FOXO3: variants seen among roughly 807,000 people sequenced by gnomAD.
The protein encoded by FOXO3 is forkhead box O3.
Under a neutral mutation model 41.9 loss-of-function variants are expected in FOXO3, and 4 were observed. The observed-to-expected ratio is 0.10, with a 90% confidence interval of 0.05 to 0.22. FOXO3 has a LOEUF of 0.22. Among genes scored for constraint, FOXO3 ranks in the 10% least tolerant of loss-of-function variants. The pLI is 1.00. For synonymous variants in FOXO3, 318 were observed against 389.3 expected, an observed-to-expected ratio of 0.82 and a Z score of 2.16; for missense variants, 534 against 906.8, an observed-to-expected ratio of 0.59 and a Z score of 5.28.
At chr6:108,562,305 C>T (rs530100162) in intron 1 of FOXO3, among the ~76,000 whole-genome samples, 2 of 152,234 alleles carry the variant, frequency 1.3e-5, no homozygotes, top group South Asian at 2.1e-4. Context: ...TGCGTCGTCA[C>T]TAGCTGAATG....
intron 1 of FOXO3, among the ~76,000 whole-genome samples, chr6:108,653,279 T>C (rs1778595296): frequency 6.6e-6 from 1 of 152,216 alleles, no homozygotes; most frequent in Non-Finnish European, 1.5e-5. Flanking sequence ...GTTAAACAGA[T>C]ACAATTTTTT....
At chr6:108,601,366 C>T (rs1472168507) in intron 1 of FOXO3, among the ~76,000 whole-genome samples, 1 of 152,154 alleles carries the variant, frequency 6.6e-6, no homozygotes, top group Non-Finnish European at 1.5e-5. Flanking sequence ...TGCAATGGCA[C>T]AATCTCGGCT....
intron 1 of FOXO3, among the ~76,000 whole-genome samples, chr6:108,637,389 A>G (rs1778147178): frequency 6.6e-6 from 1 of 152,156 alleles, no homozygotes. Context: ...AGTCCTGCTT[A>G]ACCTTATTAC....
At chr6:108,652,604 C>T (rs1029145137) in intron 1 of FOXO3, among the ~76,000 whole-genome samples, 3 of 152,180 alleles carry the variant, frequency 2.0e-5, no homozygotes, top group African/African-American at 7.2e-5. Context: ...GCACCACCAC[C>T]CACTAGACAA....
chr6:108,655,727 C>G (rs1334007709), intron 1 of FOXO3, among the ~76,000 whole-genome samples: 1 of 152,172 alleles, frequency 6.6e-6, no homozygotes, highest in Non-Finnish European at 1.5e-5. Context: ...AAGGCGCCCA[C>G]CCGGGCCTGC....
intron 1 of FOXO3, among the ~76,000 whole-genome samples, chr6:108,640,563 G>C (rs1366531023): frequency 6.6e-6 from 1 of 152,176 alleles, no homozygotes; most frequent in Non-Finnish European, 1.5e-5. Flanking sequence ...GATGTTTAAA[G>C]TGTTTTTTTA....
intron 1 of FOXO3, among the ~76,000 whole-genome samples, chr6:108,613,559 T>A (rs1254751282): frequency 2.0e-5 from 3 of 152,220 alleles, no homozygotes; most frequent in Non-Finnish European, 2.9e-5. Flanking sequence ...TTAATAGATA[T>A]ATCATCTGTA....
chr6:108,644,130 A>G (rs1254119066), intron 1 of FOXO3, among the ~76,000 whole-genome samples: 1 of 152,094 alleles, frequency 6.6e-6, no homozygotes, highest in Admixed American at 6.5e-5. Context: ...TCCCTCTCTG[A>G]GGCCCTCACT....
chr6:108,563,014 T>C lies in FOXO3; in HGVS notation c.621+1185T>C, dbSNP rs181061716. ...GCTTAGATTTTTTTTTGTTTTGTTT[T>C]ATGTAAAAGAAGTAGTTGCTTCCTC... On this transcript the variant is annotated intron_variant, in intron 1 of 2. Coordinates refer to ENST00000406360, the MANE Select transcript of FOXO3 (RefSeq NM_001455.4). Among the ~76,000 whole-genome samples, 105 of 152,314 alleles carry C rather than the reference T, an allele frequency of 6.9e-4. 1 individual carries two copies. The highest frequency in any genetic ancestry group is 1.3e-3 in the Non-Finnish European group (87 of 68,022).
intron 1 of FOXO3, among the ~76,000 whole-genome samples, chr6:108,611,318 C>CT (rs1310398294): frequency 6.6e-6 from 1 of 152,122 alleles, no homozygotes; most frequent in African/African-American, 2.4e-5. Flanking sequence ...AATAAAACTG[C>CT]TATTAATATC....
intron 1 of FOXO3, among the ~76,000 whole-genome samples, chr6:108,608,225 A>G (rs1447478210): frequency 6.6e-6 from 1 of 152,238 alleles, no homozygotes; most frequent in East Asian, 1.9e-4. Context: ...ACTCAGAATC[A>G]TCTTTAGAAC....
At chr6:108,665,069 G>A (rs972588450) in intron 2 of FOXO3, among the ~76,000 whole-genome samples, 180 bp downstream of exon 2, 1 of 152,168 alleles carries the variant, frequency 6.6e-6, no homozygotes, top group Non-Finnish European at 1.5e-5. Context: ...ACCAAATAGG[G>A]CTGTCAGGTG....
chr6:108,637,619 CTT>C (rs1261620799), intron 1 of FOXO3, among the ~76,000 whole-genome samples: 1 of 152,274 alleles, frequency 6.6e-6, no homozygotes, highest in East Asian at 1.9e-4. Context: ...TTCTGGAAGA[CTT>C]TATTTCCACC....
chr6:108,617,223 C>T (rs1327792442), intron 1 of FOXO3, among the ~76,000 whole-genome samples: 2 of 152,154 alleles, frequency 1.3e-5, no homozygotes, highest in African/African-American at 4.8e-5. Flanking sequence ...AGAAGCTGCA[C>T]TGTTATAATA....
Position 108,561,697 on chromosome 6 carries a change from G to A in FOXO3, c.489G>A (p.Ala163=), listed in dbSNP as rs1476990128. 6.2e-7 allele frequency: 1 copy of A among 1,611,744 alleles called. No individual in the cohort carries two copies. Among genetic ancestry groups the A allele is most frequent in the Non-Finnish European group, 8.5e-7 (1 of 1,179,396 alleles). The change falls in exon 1 of 3, where the codon GCG becomes GCA. Residue 163 remains alanine, a synonymous_variant. Coordinates refer to ENST00000406360, the MANE Select transcript of FOXO3 (RefSeq NM_001455.4). The part of the protein sequence containing the change: ...RRNAWGNLSY[A]DLITRAIESS... ...ACGCCTGGGGAAACCTGTCCTACGCGGACCTGATCACCCGCGCCATCGAGA... is the reference window on the plus strand; with the variant it reads ...ACGCCTGGGGAAACCTGTCCTACGCAGACCTGATCACCCGCGCCATCGAGA...
intron 1 of FOXO3, among the ~76,000 whole-genome samples, chr6:108,587,104 C>A (rs1406654209): frequency 6.6e-6 from 1 of 151,884 alleles, no homozygotes; most frequent in Non-Finnish European, 1.5e-5. Flanking sequence ...CCACCATGCC[C>A]AGCCTATTCG....
chr6:108,571,217 A>C (rs1031871666), intron 1 of FOXO3, among the ~76,000 whole-genome samples: 29 of 152,250 alleles, frequency 1.9e-4, no homozygotes, highest in African/African-American at 7.0e-4. Flanking sequence ...GGTAAAAAGT[A>C]AGAACAACAT....
chr6:108,628,320 A>G (rs1281903356), intron 1 of FOXO3, among the ~76,000 whole-genome samples: 4 of 152,202 alleles, frequency 2.6e-5, no homozygotes, highest in African/African-American at 9.6e-5. Context: ...CTTTGCCAAG[A>G]AAAATGACAA....
chr6:108,564,583 T>C (rs1206036057), intron 1 of FOXO3, among the ~76,000 whole-genome samples: 1 of 152,216 alleles, frequency 6.6e-6, no homozygotes, highest in Non-Finnish European at 1.5e-5. Flanking sequence ...GCCATTGCAT[T>C]ATGAGACCTT....
Sources: gnomAD v4.1 joint callset for allele counts (sites outside exome capture counted in the v4.1 genomes callset) on GRCh38, gnomAD v4.1.1 for gene constraint, MANE v1.5 for transcripts, NCBI Gene and HGNC (gene_info 2026-07-23, HGNC 2026-07-21) for gene names.